Variants in ERC1 observed in about 807,000 individuals in gnomAD.
The protein encoded by ERC1 is ELKS/RAB6-interacting/CAST family member 1, also known as RAB6 interacting protein 2.
A neutral mutation model predicts 132.0 loss-of-function variants in ERC1; 56 were observed. The observed-to-expected ratio is 0.42, with a 90% confidence interval of 0.34 to 0.53. The LOEUF (loss-of-function observed/expected upper bound fraction) is 0.53. Among genes scored for constraint, ERC1 ranks in the 20% least tolerant of loss-of-function variants. The pLI is 0.03. For synonymous variants in ERC1, 478 were observed against 476.1 expected, an observed-to-expected ratio of 1.00 and a Z score of -0.05; for missense variants, 1,202 against 1,349.9, an observed-to-expected ratio of 0.89 and a Z score of 1.72.
At chr12:1,257,409 C>T (rs1266953647) in intron 13 of ERC1, among the ~76,000 whole-genome samples, 1 of 152,170 alleles carries the variant, frequency 6.6e-6, no homozygotes, top group African/African-American at 2.4e-5. Flanking sequence ...CGAAGTAACT[C>T]ATTAATACAA....
chr12:1,289,804 C>CT, intron 14 of ERC1, 48 bp from the exon 15 acceptor site: 1 of 1,542,558 alleles, frequency 6.5e-7, no homozygotes, highest in Non-Finnish European at 8.9e-7. Context: ...TCCTCTGACT[C>CT]TGATTGATCA....
chr12:1,289,110 C>T (rs1208321159), intron 14 of ERC1, among the ~76,000 whole-genome samples: 1 of 146,578 alleles, frequency 6.8e-6, no homozygotes, highest in African/African-American at 2.5e-5. Flanking sequence ...CACACACACA[C>T]ACACACACAC....
At position 1,421,211 on chromosome 12, in the gene ERC1, T is replaced by G. The variant is rs151311565; in HGVS notation, c.3024+12964T>G. On this transcript the variant is annotated intron_variant, in intron 17 of 18. Transcript: ENST00000360905. Reference sequence around the variant, plus strand: ...TAGTGCTATGGAACATTAGAACTTGTTCCTCCCATCTACCTGTGCTTTTAC... The same window carrying G: ...TAGTGCTATGGAACATTAGAACTTGGTCCTCCCATCTACCTGTGCTTTTAC... 2.3e-3 allele frequency among the ~76,000 whole-genome samples: 354 copies of G among 152,340 alleles called. 1 individual carries two copies. The highest frequency in any genetic ancestry group is 3.4e-3 in the Middle Eastern group (1 of 294).
intron 7 of ERC1, among the ~76,000 whole-genome samples, chr12:1,122,623 GTGTC>G (rs1412065909): frequency 0.11 from 442 of 3,982 alleles, 25 homozygotes; most frequent in Middle Eastern, 0.38. Context: ...ATCTCTATCT[GTGTC>G]TCTATCTCTA....
chr12:1,218,298 A>T (rs1269889197), intron 12 of ERC1, among the ~76,000 whole-genome samples: 1 of 152,050 alleles, frequency 6.6e-6, no homozygotes, highest in African/African-American at 2.4e-5. Flanking sequence ...GCCCAACCTA[A>T]AGATGCTTCT....
At chr12:1,447,230 C>G (rs2093325264) in intron 18 of ERC1, among the ~76,000 whole-genome samples, 1 of 151,722 alleles carries the variant, frequency 6.6e-6, no homozygotes, top group Non-Finnish European at 1.5e-5. Context: ...TTCTTAAAAG[C>G]AGTGCTACTG....
At chr12:1,424,852 A>AGATCGATC (rs1161223025) in intron 17 of ERC1, among the ~76,000 whole-genome samples, 2 of 122,868 alleles carry the variant, frequency 1.6e-5, no homozygotes, top group Non-Finnish European at 3.3e-5. Context: ...GATGATAGAT[A>AGATCGATC]GATAGATAGA....
chr12:1,452,287 G>T (rs114849194), intron 18 of ERC1, among the ~76,000 whole-genome samples: 1,585 of 152,092 alleles, frequency 0.01, 28 homozygotes, highest in African/African-American at 0.036. Context: ...TATTCATGTA[G>T]CTTTGTTTTG....
intron 9 of ERC1, 125 bp downstream of exon 9, chr12:1,180,802 A>C: frequency 8.5e-7 from 1 of 1,173,630 alleles, no homozygotes. Flanking sequence ...GCTATTGCTG[A>C]CATACGTAGT....
chr12:1,214,661 TACATACACAC>T (rs113820226), intron 12 of ERC1, among the ~76,000 whole-genome samples: 6,790 of 118,052 alleles, frequency 0.058, 177 homozygotes, highest in African/African-American at 0.081. Context: ...CGTGTGTGTA[TACATACACAC>T]ACACACACAC....
intron 13 of ERC1, among the ~76,000 whole-genome samples, chr12:1,255,621 CTTTTTTTTTTTTTTTTT>C (rs757949030): frequency 6.5e-5 from 4 of 61,558 alleles, no homozygotes; most frequent in Admixed American, 5.7e-4. Context: ...GCTTCCTGGC[CTTTTTTTTTTTTTTTTT>C]TTTTTTTTTT....
intron 15 of ERC1, among the ~76,000 whole-genome samples, chr12:1,292,309 G>C (rs2079511976): frequency 6.6e-6 from 1 of 152,252 alleles, no homozygotes; most frequent in South Asian, 2.1e-4. Flanking sequence ...CTATTCAATA[G>C]GTAGCCTCCT....
At chr12:1,189,491 G>A (rs11061660) in intron 11 of ERC1, among the ~76,000 whole-genome samples, 2,431 of 152,306 alleles carry the variant, frequency 0.016, 46 homozygotes, top group South Asian at 0.1. Flanking sequence ...TATACGATCA[G>A]CAGTGAGTCC....
intron 2 of ERC1, among the ~76,000 whole-genome samples, chr12:1,031,010 C>G (rs533372657): frequency 2.0e-5 from 3 of 152,180 alleles, no homozygotes; most frequent in Non-Finnish European, 4.4e-5. Context: ...CAACATATGA[C>G]TGTAAATCTA....
chr12:1,177,850 C>T (rs945565722), intron 8 of ERC1, among the ~76,000 whole-genome samples: 1 of 152,114 alleles, frequency 6.6e-6, no homozygotes, highest in African/African-American at 2.4e-5. Flanking sequence ...TAAAGCAAAG[C>T]GTAAGAAATC....
At chr12:1,029,931 A>G (rs757975634) in intron 2 of ERC1, among the ~76,000 whole-genome samples, 3 of 152,100 alleles carry the variant, frequency 2.0e-5, no homozygotes, top group East Asian at 1.9e-4. Context: ...TATTTTTAGT[A>G]GAGACGGGGT....
At chr12:1,038,503 G>A (rs953462514) in intron 2 of ERC1, among the ~76,000 whole-genome samples, 6 of 151,890 alleles carry the variant, frequency 4.0e-5, no homozygotes, top group Non-Finnish European at 8.8e-5. Context: ...TGGGATTACA[G>A]GCACACGCCA....
At chr12:1,423,490 C>T (rs2092504066) in intron 17 of ERC1, among the ~76,000 whole-genome samples, 1 of 151,958 alleles carries the variant, frequency 6.6e-6, no homozygotes, top group South Asian at 2.1e-4. Flanking sequence ...GTTTTATGGC[C>T]CAAAACATGA....
chr12:1,336,569 T>C (rs2083332266), intron 15 of ERC1, among the ~76,000 whole-genome samples: 1 of 152,216 alleles, frequency 6.6e-6, no homozygotes, highest in East Asian at 1.9e-4. Context: ...TCGAGCAAAA[T>C]TCTTAGTCTT....
Sources: allele counts gnomAD v4.1 joint callset (sites outside exome capture counted in the v4.1 genomes callset), GRCh38; gene constraint gnomAD v4.1.1; transcripts MANE v1.5; gene names NCBI Gene and HGNC (gene_info 2026-07-23, HGNC 2026-07-21).